TARDBP: variants seen among roughly 807,000 people sequenced by gnomAD.
TARDBP encodes TAR DNA-binding protein 43.
TARDBP carries 4 observed loss-of-function variants against 38.3 expected under a neutral mutation model. The observed-to-expected ratio is 0.10, with a 90% CI of 0.05 to 0.24. TARDBP has a LOEUF of 0.24. TARDBP is among the 10% of genes least tolerant of loss of function. The pLI, the probability that TARDBP is intolerant of heterozygous loss-of-function variation, is 1.00. For synonymous variants in TARDBP, 184 were observed against 183.8 expected, an observed-to-expected ratio of 1.00 and a Z score of -0.01; for missense variants, 202 against 521.9, an observed-to-expected ratio of 0.39 and a Z score of 5.97.
At position 11,020,678 on chromosome 1, in the gene TARDBP, C is replaced by T. The variant is rs138995559; in HGVS notation, c.714+79C>T. 1.4e-3 allele frequency: 2,160 copies of T among 1,514,928 alleles called. 25 individuals carry two copies. The African/African-American group carries it at 0.021, about 15-fold the overall frequency. 93.8% of individuals were successfully genotyped at this position (1,514,928 alleles called of 1,614,324 possible). A position where few individuals can be genotyped will look rare whatever the true frequency, so the allele number is the denominator to read the frequency against. ...AATCCCAGCACTTTGGAGGCCGAGG[C>T]GGGTGGATCACGAGGTCAGGAGATC... On this transcript the variant is annotated intron_variant, in intron 5 of 5. Coordinates refer to ENST00000240185, the MANE Select transcript of TARDBP (RefSeq NM_007375.4).
chr1:11,030,395 A>G, downstream of TARDBP: 1 of 622,522 alleles, frequency 1.6e-6, no homozygotes. Flanking sequence ...TGATTTCATA[A>G]ATAGGAGGTC....
rs547020090 is a variant in TARDBP at position 11,016,454 on chromosome 1, T to C, written c.239-390T>C. ...CACCACTGTACCTGGTTTTCTGTTT[T>C]ATTACAAAAGTTGTGTATTTGTTGT... On this transcript the variant is annotated intron_variant, in intron 2 of 5. Coordinates refer to ENST00000240185, the MANE Select transcript of TARDBP (RefSeq NM_007375.4). Among the ~76,000 whole-genome samples the C allele has an allele frequency of 2.0e-5, 3 of 152,356 alleles. No homozygotes were observed. The South Asian group carries it at 6.2e-4, about 32-fold the overall frequency.
rs1001286221 is a variant in TARDBP, at chr1:11,025,337, C to G, written c.*2683C>G. 1.3e-5 allele frequency: 2 copies of G among 152,180 alleles called. No homozygotes were observed. The highest frequency in any genetic ancestry group is 2.9e-5 in the Non-Finnish European group (2 of 68,022). The allele number at this position is 152,180 out of a possible 1,614,324, so 9.4% of individuals were successfully genotyped here. A position where few individuals can be genotyped will look rare whatever the true frequency, so the allele number is the denominator to read the frequency against. On this transcript the variant is annotated 3_prime_UTR_variant, in exon 6 of 6. Transcript: ENST00000240185. ...ACATGTTTATGGTACTGCATAGATACGGGTATTTATTTTACCCTAAGAAGA... is the reference window on the plus strand; with the variant it reads ...ACATGTTTATGGTACTGCATAGATAGGGGTATTTATTTTACCCTAAGAAGA...
chr1:11,014,224 T>C, intron 2 of TARDBP, among the ~76,000 whole-genome samples: 1 of 152,230 alleles, frequency 6.6e-6, no homozygotes, highest in African/African-American at 2.4e-5. Context: ...ATTTCAGGAA[T>C]CACTAAGAAT....
chr1:11,030,339 C>A (rs982714793), downstream of TARDBP: 2 of 905,392 alleles, frequency 2.2e-6, no homozygotes, highest in Non-Finnish European at 1.8e-6. Flanking sequence ...AATGTTGATT[C>A]TTGAGCATCA....
chr1:11,014,536 G>A (rs1643476929), intron 2 of TARDBP, among the ~76,000 whole-genome samples: 1 of 152,208 alleles, frequency 6.6e-6, no homozygotes, highest in African/African-American at 2.4e-5. Flanking sequence ...TTTTGAAGTA[G>A]TGTGCTGTTA....
At chr1:11,027,261 A>G (rs1570732083), downstream of TARDBP, 3 of 1,614,028 alleles carry the variant, frequency 1.9e-6, no homozygotes, top group East Asian at 6.7e-5. Flanking sequence ...ATCTGTCCTC[A>G]TAAAGGATTC....
downstream of TARDBP, chr1:11,027,762 T>A: frequency 8.8e-7 from 1 of 1,140,426 alleles, no homozygotes; most frequent in Non-Finnish European, 1.2e-6. Flanking sequence ...TTATATTACA[T>A]GAATTGGTGG....
Position 11,020,545 on chromosome 1 carries a change from C to T in TARDBP, c.660C>T (p.Val220=). 1 of 1,613,928 alleles carries T rather than the reference C, an allele frequency of 6.2e-7. No homozygotes were observed. ...CTCAGTACGGGGATGTGATGGATGT[C>T]TTCATCCCCAAGCCATTCAGGGCCT... The part of the protein sequence containing the change: ...FFSQYGDVMD[V]FIPKPFRAFA... Residue 220 remains valine, a synonymous_variant, in exon 5 of 6, where the codon GTC becomes GTT. Transcript: ENST00000240185.
In TARDBP at chr1:11,013,936, A is replaced by G; in HGVS notation, c.209A>G (p.Asn70Ser). The G allele has an allele frequency of 5.0e-6, 8 of 1,614,184 alleles. No homozygotes were observed. The highest frequency in any genetic ancestry group is 6.8e-6 in the Non-Finnish European group (8 of 1,180,034). Residue 70 changes from asparagine to serine, a missense_variant, in exon 2 of 6, where the codon AAT (asparagine) becomes AGT (serine). Asn to Ser is a conservative substitution (Grantham distance 46). Around this residue, in one of 5 missense-constraint regions of TARDBP, gnomAD observed 71 missense variants for 185.4 expected, o/e 0.38. Transcript: ENST00000240185. ...ILHAPDAGWG[N>S]LVYVVNYPKD... is the part of the protein sequence containing the mutation. ...CATGCCCCAGATGCTGGCTGGGGAA[A>G]TCTGGTGTATGTTGTCAACTATCCA...
intron 2 of TARDBP, chr1:11,015,488 A>G (rs1643503357): frequency 6.6e-6 from 1 of 151,484 alleles, no homozygotes; most frequent in Non-Finnish European, 1.5e-5. Flanking sequence ...CGTCTCAAAA[A>G]AAATTTTTTA....
chr1:11,027,210 CCCCT>C (rs1643751418), downstream of TARDBP: 1 of 1,614,018 alleles, frequency 6.2e-7, no homozygotes. Context: ...AGCAAGAAAA[CCCCT>C]TTGGGTTAAT....
chr1:11,028,613 CGTT>C (rs1213452930), downstream of TARDBP, among the ~76,000 whole-genome samples: 1 of 151,526 alleles, frequency 6.6e-6, no homozygotes, highest in African/African-American at 2.4e-5. Context: ...TACCTACAGA[CGTT>C]GTGTTAGCCA....
chr1:11,029,001 CTT>C (rs1177051448), downstream of TARDBP, among the ~76,000 whole-genome samples: 1 of 129,990 alleles, frequency 7.7e-6, no homozygotes, highest in Admixed American at 7.7e-5. Flanking sequence ...TTCTTTTTCT[CTT>C]TTTTTTTGAG....
At chr1:11,017,689 G>A (rs540794188) in intron 3 of TARDBP, among the ~76,000 whole-genome samples, 1 of 152,170 alleles carries the variant, frequency 6.6e-6, no homozygotes, top group Admixed American at 6.5e-5. Context: ...CTAATGGGAG[G>A]TTTTTCCATT....
intron 5 of TARDBP, among the ~76,000 whole-genome samples, chr1:11,021,164 G>C (rs1643630045): frequency 6.7e-6 from 1 of 149,670 alleles, no homozygotes; most frequent in South Asian, 2.1e-4. Flanking sequence ...TTGAGACAGA[G>C]TTTTGCTCTT....
At position 11,024,139 on chromosome 1, in the gene TARDBP, T is replaced by C. The variant is rs1447188458; in HGVS notation, c.*1485T>C. 1 of 152,644 alleles carries C rather than the reference T, an allele frequency of 6.6e-6. No individual in the cohort carries two copies. The highest frequency in any genetic ancestry group is 1.5e-5 in the Non-Finnish European group (1 of 68,056). 9.5% of individuals were successfully genotyped at this position (152,644 alleles called of 1,614,324 possible). A position where few individuals can be genotyped will look rare whatever the true frequency, so the allele number is the denominator to read the frequency against. ...TGAGATGGAACTTTCATAAAGTTTC[T>C]TGGCAGTAGTTTATTTTGCTTCAAA... On this transcript the variant is annotated 3_prime_UTR_variant, in exon 6 of 6. Transcript: ENST00000240185.
chr1:11,013,993 A>G, intron 2 of TARDBP, 28 bp downstream of exon 2: 4 of 1,607,574 alleles, frequency 2.5e-6, no homozygotes, highest in South Asian at 1.1e-5. Flanking sequence ...TTTTGTAATC[A>G]TGCTGAAGTG....
intron 5 of TARDBP, among the ~76,000 whole-genome samples, chr1:11,021,816 C>G (rs937237079): frequency 5.3e-5 from 8 of 152,030 alleles, no homozygotes; most frequent in Non-Finnish European, 1.2e-4. Context: ...CCTGTGTTGT[C>G]TAGGCTGCCA....
Sources: allele counts gnomAD v4.1 joint callset (sites outside exome capture counted in the v4.1 genomes callset), GRCh38; gene constraint gnomAD v4.1.1; regional missense constraint gnomAD v4.1.1; transcripts MANE v1.5; gene names NCBI Gene and HGNC (gene_info 2026-07-23, HGNC 2026-07-21).